Variants in MACF1 observed in about 807,000 individuals in gnomAD.
MACF1 encodes the protein microtubule-actin cross-linking factor 1.
In MACF1, 193 loss-of-function variants were observed where a neutral mutation model predicts 854.8. The ratio of observed to expected loss-of-function variants is 0.23; its 90% CI spans 0.20 to 0.25. The LOEUF (loss-of-function observed/expected upper bound fraction) is 0.25. Ranked by LOEUF, MACF1 falls within the 10% of genes least tolerant of loss-of-function variation. MACF1 has a pLI of 1.00. For synonymous variants in MACF1, 3,185 were observed against 3,226.7 expected, an observed-to-expected ratio of 0.99 and a Z score of 0.44; for missense variants, 7,722 against 8,929.1, an observed-to-expected ratio of 0.86 and a Z score of 5.45.
chr1:39,357,507 G>A lies in MACF1; in HGVS notation c.11557G>A (p.Glu3853Lys). The A allele has an allele frequency of 6.2e-7, 1 of 1,614,190 alleles. No homozygotes were observed. Among genetic ancestry groups the A allele is most frequent in the Non-Finnish European group, 8.5e-7 (1 of 1,180,036 alleles). Residue 3853 changes from glutamate to lysine, a missense_variant, in exon 45 of 101, where the codon GAG (glutamate) becomes AAG (lysine). Transcript: ENST00000564288. ...ACAGATGCTGCAACAGAAGCTGGGA[G>A]AGCTAAAGGAACAATACTCTACTTC... ...EQQMLQQKLG[E>K]LKEQYSTSLA... is the part of the protein sequence containing the mutation.
chr1:39,430,377 G>A (rs1557650612), intron 65 of MACF1, among the ~76,000 whole-genome samples: 2 of 151,670 alleles, frequency 1.3e-5, no homozygotes, highest in Non-Finnish European at 2.9e-5. Context: ...TATTGTATAG[G>A]TACTTGTTAG....
upstream of MACF1, among the ~76,000 whole-genome samples, chr1:39,203,819 T>C (rs913731141): frequency 1.2e-4 from 18 of 152,364 alleles, no homozygotes; most frequent in Admixed American, 4.6e-4. Flanking sequence ...ATTATATGGA[T>C]GCACAATTTG....
chr1:39,133,481 A>G (rs1260912872), intron 2 of MACF1, among the ~76,000 whole-genome samples: 6 of 152,134 alleles, frequency 3.9e-5, no homozygotes, highest in Admixed American at 3.3e-4. Flanking sequence ...GTGTTTAACT[A>G]TAAGATTTTC....
chr1:39,434,078 T>G lies in MACF1; in HGVS notation c.17566-336T>G, dbSNP rs566655953. ...CTAGGTGACAGAGTGAGACTCTGTCTCAAAAACATATATAATAATAATAAT... is the reference window on the plus strand; with the variant it reads ...CTAGGTGACAGAGTGAGACTCTGTCGCAAAAACATATATAATAATAATAAT... On this transcript the variant is annotated intron_variant, in intron 68 of 100. Transcript: ENST00000564288. 7.1e-4 allele frequency among the ~76,000 whole-genome samples: 108 copies of G among 152,244 alleles called. 1 individual carries two copies. Among genetic ancestry groups the G allele is most frequent in the Middle Eastern group, 3.4e-3 (1 of 294 alleles).
chr1:39,157,661 T>C (rs1020118061), intron 2 of MACF1, among the ~76,000 whole-genome samples: 7 of 152,224 alleles, frequency 4.6e-5, no homozygotes, highest in Non-Finnish European at 8.8e-5. Flanking sequence ...TGCTATCTCA[T>C]TGGCATGATG....
At chr1:39,276,846 T>C (rs1193096491) in intron 6 of MACF1, among the ~76,000 whole-genome samples, 1 of 152,200 alleles carries the variant, frequency 6.6e-6, no homozygotes, top group African/African-American at 2.4e-5. Flanking sequence ...TTCTTGTTAT[T>C]AGGCTTCCAG....
At chr1:39,274,698 G>C (rs1557557564) in intron 6 of MACF1, among the ~76,000 whole-genome samples, 3 of 152,186 alleles carry the variant, frequency 2.0e-5, no homozygotes, top group African/African-American at 7.2e-5. Flanking sequence ...TATAGATAAA[G>C]TGATTAAGAG....
intron 60 of MACF1, 22 bp downstream of exon 60, chr1:39,422,922 G>A (rs371221319): frequency 1.2e-6 from 2 of 1,610,140 alleles, no homozygotes; most frequent in African/African-American, 1.3e-5. Flanking sequence ...TGTTGGGACA[G>A]TGAACTGTAA....
chr1:39,287,957 A>G (rs984129167), intron 15 of MACF1, among the ~76,000 whole-genome samples: 1 of 152,106 alleles, frequency 6.6e-6, no homozygotes, highest in Non-Finnish European at 1.5e-5. Flanking sequence ...TCCCTCAGCT[A>G]ACTGTACTCT....
At chr1:39,110,831 G>A (rs897865584) in intron 2 of MACF1, among the ~76,000 whole-genome samples, 1 of 152,092 alleles carries the variant, frequency 6.6e-6, no homozygotes, top group Non-Finnish European at 1.5e-5. Context: ...CTATTATACT[G>A]GTATTTTTCA....
intron 26 of MACF1, among the ~76,000 whole-genome samples, chr1:39,312,884 C>T (rs1646330809): frequency 6.6e-6 from 1 of 152,158 alleles, no homozygotes; most frequent in Non-Finnish European, 1.5e-5. Flanking sequence ...GCTCACGCCT[C>T]ATTAAAATTT....
In MACF1 at chr1:39,452,755, T is replaced by C. The variant is rs1364250284; in HGVS notation, c.20685T>C (p.Phe6895=). ...WLSEAEQTLR[F]RGALPDDTEA... Reference sequence around the variant, plus strand: ...CTGAAGCAGAGCAAACGCTTCGCTTTCGGGGAGCACTTCCTGATGACACAG... The same window carrying C: ...CTGAAGCAGAGCAAACGCTTCGCTTCCGGGGAGCACTTCCTGATGACACAG... The change falls in exon 87 of 101, where the codon TTT becomes TTC. Residue 6895 remains phenylalanine (F), a synonymous_variant. Coordinates refer to ENST00000564288, the MANE Select transcript of MACF1 (RefSeq NM_001394062.1). 6.2e-7 allele frequency: 1 copy of C among 1,614,088 alleles called. No individual in the cohort carries two copies. Among genetic ancestry groups the C allele is most frequent in the Non-Finnish European group, 8.5e-7 (1 of 1,180,026 alleles).
chr1:39,232,127 T>TATA (rs923709400), intron 2 of MACF1, among the ~76,000 whole-genome samples: 1 of 148,036 alleles, frequency 6.8e-6, no homozygotes, highest in Non-Finnish European at 1.5e-5. Flanking sequence ...ATATATAAAA[T>TATA]ATAATAATAA....
rs549545180 is a variant in MACF1, at chr1:39,349,690, T to C, written c.10965+63T>C. The C allele has an allele frequency of 2.6e-6, 4 of 1,547,994 alleles. No homozygotes were observed. The African/African-American group carries it at 5.4e-5, about 21-fold the overall frequency. On this transcript the variant is annotated intron_variant, in intron 42 of 100. Transcript: ENST00000564288. ...CTCTATCGCTTAGGCTGGAGTACAG[T>C]GGTGTTATCTTGGCTCACTGCAGCT...
intron 58 of MACF1, chr1:39,410,011 A>AT: frequency 2.5e-6 from 1 of 392,624 alleles, no homozygotes; most frequent in Non-Finnish European, 4.5e-6. Context: ...ACCATAAGCC[A>AT]TACAAGGAAT....
At chr1:39,233,614 A>G (rs1003996979) in intron 2 of MACF1, among the ~76,000 whole-genome samples, 1 of 151,974 alleles carries the variant, frequency 6.6e-6, no homozygotes, top group African/African-American at 2.4e-5. Flanking sequence ...ATGTCTTCTT[A>G]GGGCCACTTG....
chr1:39,130,844 A>C (rs1189168064), intron 2 of MACF1, among the ~76,000 whole-genome samples: 2 of 148,386 alleles, frequency 1.3e-5, no homozygotes, highest in African/African-American at 5.0e-5. Context: ...TCTTTTCTTT[A>C]CTTTTTTTTT....
At chr1:39,408,368 C>T (rs1351197814) in intron 58 of MACF1, among the ~76,000 whole-genome samples, 1 of 152,196 alleles carries the variant, frequency 6.6e-6, no homozygotes, top group Non-Finnish European at 1.5e-5. Flanking sequence ...TCCTTTGGGA[C>T]ACCGGGAAAG....
rs1167889920 is a variant in MACF1, at chr1:39,327,304, A to G, written c.4565A>G (p.Asn1522Ser). The G allele has an allele frequency of 6.2e-7, 1 of 1,607,650 alleles. No homozygotes were observed. Among genetic ancestry groups the G allele is most frequent in the Non-Finnish European group, 8.5e-7 (1 of 1,174,738 alleles). The change falls in exon 36 of 101, where the codon AAT becomes AGT. Residue 1522 changes from asparagine (N) to serine (S), a missense_variant. Physicochemically the swap from Asn to Ser is conservative, Grantham distance 46. Transcript: ENST00000564288. ...AYHDLCDGSA[N>S]QLQQLQSQLA... Reference sequence around the variant, plus strand: ...CATGACCTTTGTGATGGTTCTGCAAATCAGCTTCAGCAGCTTCAGAGCCAG... The same window carrying G: ...CATGACCTTTGTGATGGTTCTGCAAGTCAGCTTCAGCAGCTTCAGAGCCAG...
Sources: gnomAD v4.1 joint callset for allele counts (sites outside exome capture counted in the v4.1 genomes callset) on GRCh38, gnomAD v4.1.1 for gene constraint, MANE v1.5 for transcripts, NCBI Gene and HGNC (gene_info 2026-07-23, HGNC 2026-07-21) for gene names.